Variants in TENM3 observed in about 807,000 individuals in gnomAD.
TENM3 encodes the protein teneurin transmembrane protein 3.
In TENM3, 63 loss-of-function variants were observed where a neutral mutation model predicts 255.1. The observed-to-expected ratio is 0.25, with a 90% confidence interval of 0.20 to 0.30. The LOEUF (loss-of-function observed/expected upper bound fraction) is 0.30. Among genes scored for constraint, TENM3 ranks in the 10% least tolerant of loss-of-function variants. TENM3 has a pLI of 1.00. For synonymous variants in TENM3, 1,306 were observed against 1,322.3 expected (o/e 0.99, Z 0.27); for missense variants, 2,929 against 3,461.1 (o/e 0.85, Z 3.86).
At chr4:182,386,574 C>T (rs1182786357) in intron 3 of TENM3, among the ~76,000 whole-genome samples, 1 of 152,208 alleles carries the variant, frequency 6.6e-6, no homozygotes, top group African/African-American at 2.4e-5. Context: ...GAGGCGCGAG[C>T]AGGAACTGGG....
At chr4:182,108,010 A>C in the TENM3 span, among the ~76,000 whole-genome samples, 1 of 152,220 alleles carries the variant, frequency 6.6e-6, no homozygotes, top group Admixed American at 6.5e-5. Context: ...TATCACAATC[A>C]GAGAAGCACC....
intron 3 of TENM3, among the ~76,000 whole-genome samples, chr4:182,585,574 A>T (rs1251970737): frequency 6.6e-6 from 1 of 152,180 alleles, no homozygotes; most frequent in African/African-American, 2.4e-5. Flanking sequence ...CAGGAAGAGA[A>T]CTGTCACCAG....
In TENM3 at chr4:182,447,521, C is replaced by A. The variant is rs528615644; in HGVS notation, c.511+100592C>A. On this transcript the variant is annotated intron_variant, in intron 3 of 27. Coordinates refer to ENST00000511685, the MANE Select transcript of TENM3 (RefSeq NM_001080477.4). The stretch of plus-strand genomic sequence containing the variant: ...TGTTGAATCATGGGAATGAGGAAAG[C>A]ATTTTGTCTTTACTGGAGGAAAGAC... 4.6e-5 allele frequency among the ~76,000 whole-genome samples: 7 copies of A among 152,236 alleles called. No homozygotes were observed. The East Asian group carries it at 1.4e-3, about 29-fold the overall frequency.
chr4:182,776,796 G>A (rs1182030552), intron 24 of TENM3, among the ~76,000 whole-genome samples: 1 of 152,202 alleles, frequency 6.6e-6, no homozygotes, highest in Non-Finnish European at 1.5e-5. Flanking sequence ...ACACAGGCAT[G>A]GGTGTTACTT....
At chr4:182,433,050 G>A (rs1771780963) in intron 3 of TENM3, among the ~76,000 whole-genome samples, 2 of 152,122 alleles carry the variant, frequency 1.3e-5, no homozygotes, top group South Asian at 2.1e-4. Context: ...GAATGTGTTG[G>A]AGGAAAACAC....
intron 3 of TENM3, among the ~76,000 whole-genome samples, chr4:182,569,642 G>A (rs954419812): frequency 2.0e-5 from 3 of 152,052 alleles, no homozygotes; most frequent in African/African-American, 7.2e-5. Context: ...GACTGGAAGA[G>A]TAGAAAAAGC....
At chr4:181,549,356 A>G in the TENM3 span, among the ~76,000 whole-genome samples, 3 of 152,300 alleles carry the variant, frequency 2.0e-5, no homozygotes, top group East Asian at 5.8e-4. Context: ...TGAACATGCA[A>G]TCATGCCATT....
intron 3 of TENM3, among the ~76,000 whole-genome samples, chr4:182,466,508 T>C (rs1176820696): frequency 6.6e-6 from 1 of 151,982 alleles, no homozygotes; most frequent in African/African-American, 2.4e-5. Context: ...TTTTTTTATA[T>C]TTTTTGTGGA....
intron 3 of TENM3, among the ~76,000 whole-genome samples, chr4:182,491,700 CT>C (rs1735315582): frequency 6.6e-6 from 1 of 152,052 alleles, no homozygotes; most frequent in Non-Finnish European, 1.5e-5. Flanking sequence ...CAAGGAAGTA[CT>C]TTTTACTAGC....
Position 182,730,863 on chromosome 4 carries a change from C to T in TENM3, c.2706-15C>T, listed in dbSNP as rs1760639964. 4 of 1,612,792 alleles carry T rather than the reference C, an allele frequency of 2.5e-6. No individual in the cohort carries two copies. Among genetic ancestry groups the T allele is most frequent in the Non-Finnish European group, 3.4e-6 (4 of 1,179,038 alleles). ...GATCCAGACAATTCACTAAGCATAC[C>T]TTGTTCTTTCTTAGGTTTGACTTGG... On this transcript the variant is annotated splice_polypyrimidine_tract_variant and intron_variant, in intron 15 of 27. Coordinates refer to ENST00000511685, the MANE Select transcript of TENM3 (RefSeq NM_001080477.4).
the TENM3 span, among the ~76,000 whole-genome samples, chr4:181,570,058 A>ATCC: frequency 1.3e-5 from 1 of 74,884 alleles, no homozygotes; most frequent in African/African-American, 6.1e-5. Context: ...TTTTTTTTTG[A>ATCC]GACGGAGTCT....
At chr4:181,787,425 A>G in the TENM3 span, among the ~76,000 whole-genome samples, 191 of 146,668 alleles carry the variant, frequency 1.3e-3, no homozygotes, top group Non-Finnish European at 2.1e-3. Context: ...TGCAACCTCC[A>G]CCTCCTTGGT....
At chr4:181,736,247 G>A in the TENM3 span, among the ~76,000 whole-genome samples, 5 of 152,140 alleles carry the variant, frequency 3.3e-5, no homozygotes, top group African/African-American at 4.8e-5. Context: ...GCAGTAAGGC[G>A]AGACGGCGCC....
chr4:182,402,038 G>T (rs1309365659), intron 3 of TENM3, among the ~76,000 whole-genome samples: 3 of 152,176 alleles, frequency 2.0e-5, no homozygotes, highest in Non-Finnish European at 4.4e-5. Flanking sequence ...ATAGTCAGAG[G>T]TCATAAGTGG....
intron 1 of TENM3, among the ~76,000 whole-genome samples, chr4:182,287,180 A>T (rs1760786698): frequency 6.6e-6 from 1 of 152,168 alleles, no homozygotes; most frequent in Non-Finnish European, 1.5e-5. Flanking sequence ...GTGAGCCATG[A>T]CCACACCACT....
chr4:182,165,927 T>C (rs894918725), intron 1 of TENM3, among the ~76,000 whole-genome samples: 44 of 152,144 alleles, frequency 2.9e-4, no homozygotes, highest in Non-Finnish European at 4.9e-4. Context: ...TACAGGCGTG[T>C]GCCACCACGC....
the TENM3 span, among the ~76,000 whole-genome samples, chr4:181,642,547 T>C: frequency 2.0e-5 from 3 of 151,830 alleles, no homozygotes; most frequent in Non-Finnish European, 4.4e-5. Flanking sequence ...TCTTTGACCA[T>C]GCCGATGTCC....
chr4:182,346,989 A>G, intron 3 of TENM3, 60 bp downstream of exon 3: 21 of 844,316 alleles, frequency 2.5e-5, no homozygotes, highest in South Asian at 6.1e-5. Context: ...GTTTTGGTTG[A>G]CTCCGCGGGG....
At chr4:182,172,723 A>G (rs772026519) in intron 1 of TENM3, among the ~76,000 whole-genome samples, 4 of 152,212 alleles carry the variant, frequency 2.6e-5, no homozygotes, top group African/African-American at 7.2e-5. Flanking sequence ...GAGTCCTACT[A>G]TATGCAAAGA....
Sources: gnomAD v4.1 joint callset for allele counts (sites outside exome capture counted in the v4.1 genomes callset) on GRCh38, gnomAD v4.1.1 for gene constraint, MANE v1.5 for transcripts, NCBI Gene and HGNC (gene_info 2026-07-23, HGNC 2026-07-21) for gene names.